The following CHSY3 variants were observed in gnomAD, a reference collection of about 807,000 sequenced individuals.
The protein encoded by CHSY3 is N-acetylgalactosaminyl-proteoglycan 3-beta-glucuronosyltransferase 3.
CHSY3 carries 35 observed loss-of-function variants against 67.2 expected under a neutral mutation model. That is an observed-to-expected ratio of 0.52 (90% CI 0.40 to 0.69). CHSY3 has a LOEUF of 0.69. CHSY3 is among the 30% of genes least tolerant of loss of function. The pLI, the probability that CHSY3 is intolerant of heterozygous loss-of-function variation, is 0.00. For missense variants in CHSY3, 1,069 were observed against 1,138.5 expected (o/e 0.94, Z 0.88); for synonymous variants, 474 against 434.7 (o/e 1.09, Z -1.12).
intron 2 of CHSY3, chr5:130,001,799 G>C (rs1454874325): frequency 2.5e-6 from 2 of 811,632 alleles, no homozygotes; most frequent in Admixed American, 6.2e-5. Flanking sequence ...TGTATATCTA[G>C]ATTATGGGAA....
intron 2 of CHSY3, among the ~76,000 whole-genome samples, chr5:130,119,666 C>A (rs1365713954): frequency 6.6e-6 from 1 of 152,022 alleles, no homozygotes; most frequent in African/African-American, 2.4e-5. Flanking sequence ...ATGTCATTTC[C>A]CAAATTCGAA....
chr5:130,146,777 G>GTT (rs145453278), intron 2 of CHSY3, among the ~76,000 whole-genome samples: 1 of 151,482 alleles, frequency 6.6e-6, no homozygotes, highest in African/African-American at 2.4e-5. Flanking sequence ...ATTTTCATTT[G>GTT]TTTTTTGTTT....
intron 2 of CHSY3, among the ~76,000 whole-genome samples, chr5:130,172,321 TTTTC>T (rs1445733433): frequency 0.089 from 346 of 3,880 alleles, no homozygotes; most frequent in African/African-American, 0.12. Context: ...TTTTCTTTTC[TTTTC>T]TTTTTTTTTT....
At chr5:130,019,616 G>C (rs1425947369) in intron 2 of CHSY3, among the ~76,000 whole-genome samples, 2 of 152,084 alleles carry the variant, frequency 1.3e-5, no homozygotes, top group African/African-American at 4.8e-5. Flanking sequence ...TTTTAAGCAG[G>C]CTTACCCCTC....
At chr5:129,949,918 C>T (rs1419792215) in intron 2 of CHSY3, among the ~76,000 whole-genome samples, 4 of 152,086 alleles carry the variant, frequency 2.6e-5, no homozygotes, top group Non-Finnish European at 5.9e-5. Context: ...AATCCCAGCA[C>T]TTTGGGAGGC....
intron 2 of CHSY3, among the ~76,000 whole-genome samples, chr5:129,994,709 A>G (rs1038976488): frequency 2.0e-5 from 3 of 152,152 alleles, no homozygotes; most frequent in Non-Finnish European, 4.4e-5. Flanking sequence ...ATGGAATACT[A>G]TGCAGCCATA....
intron 2 of CHSY3, among the ~76,000 whole-genome samples, chr5:129,967,704 G>A (rs868854501): frequency 6.6e-6 from 1 of 151,718 alleles, no homozygotes; most frequent in African/African-American, 2.4e-5. Context: ...TACAGAAGAC[G>A]GTGAGTGAAT....
chr5:130,075,796 G>A (rs1447161474), intron 2 of CHSY3, among the ~76,000 whole-genome samples: 5 of 152,080 alleles, frequency 3.3e-5, no homozygotes, highest in Non-Finnish European at 7.4e-5. Context: ...GTTTCATATA[G>A]GCCAATGTAA....
chr5:129,985,339 C>T lies in CHSY3; in HGVS notation c.1086+76979C>T, dbSNP rs1233498860. Among the ~76,000 whole-genome samples, 8 of 151,964 alleles carry T rather than the reference C, an allele frequency of 5.3e-5. 1 individual carries two copies. In the South Asian group the frequency reaches 8.3e-4, roughly 16 times the overall value. On this transcript the variant is annotated intron_variant, in intron 2 of 2. Transcript: ENST00000305031. The stretch of plus-strand genomic sequence containing the variant: ...GTTGAAGATCAGATGGTTATAGGTG[C>T]GTAGCTTTATTTCTGGGTTCTCTAA...
chr5:130,163,561 A>G (rs1210159829), intron 2 of CHSY3, among the ~76,000 whole-genome samples: 2 of 152,150 alleles, frequency 1.3e-5, no homozygotes, highest in African/African-American at 2.4e-5. Context: ...GGAAAAAAAA[A>G]TCTATTTTTC....
chr5:130,063,929 A>AT (rs1219927633), intron 2 of CHSY3, among the ~76,000 whole-genome samples: 1 of 152,110 alleles, frequency 6.6e-6, no homozygotes, highest in Non-Finnish European at 1.5e-5. Context: ...CAACATCTGG[A>AT]TTTTGGAAGG....
Position 130,185,379 on chromosome 5 carries a change from T to C in CHSY3, c.2237T>C (p.Ile746Thr), listed in dbSNP as rs1048396530. Residue 746 changes from isoleucine to threonine, a missense_variant, in exon 3 of 3, where the codon ATC becomes ACC. Coordinates refer to ENST00000305031, the MANE Select transcript of CHSY3 (RefSeq NM_175856.5). The stretch of plus-strand genomic sequence containing the variant: ...GGACAACAGGTGTACTATCCCATCA[T>C]CTTTAGCCAGTATGACCCAAAGGTA... ...IQGQQVYYPI[I>T]FSQYDPKVTN... The C allele has an allele frequency of 1.2e-6, 2 of 1,609,134 alleles. No individual in the cohort carries two copies. Among genetic ancestry groups the C allele is most frequent in the Admixed American group, 1.7e-5 (1 of 59,994 alleles).
chr5:130,164,954 A>G (rs1386532083), intron 2 of CHSY3, among the ~76,000 whole-genome samples: 2 of 152,162 alleles, frequency 1.3e-5, no homozygotes, highest in African/African-American at 4.8e-5. Context: ...CACCCTAAGT[A>G]GAAAAAAAAG....
At chr5:130,168,737 G>T (rs573141056) in intron 2 of CHSY3, among the ~76,000 whole-genome samples, 40 of 152,058 alleles carry the variant, frequency 2.6e-4, no homozygotes, top group South Asian at 6.2e-4. Context: ...TTAGGCCTAG[G>T]CTACACTCTA....
chr5:130,043,946 A>G (rs1220534737), intron 2 of CHSY3, among the ~76,000 whole-genome samples: 1 of 152,126 alleles, frequency 6.6e-6, no homozygotes, highest in Non-Finnish European at 1.5e-5. Flanking sequence ...TTGTACTTCC[A>G]TAGATTTGGC....
At position 130,143,834 on chromosome 5, in the gene CHSY3, A is replaced by ATATG. The variant is rs1561557421; in HGVS notation, c.1087-40392_1087-40391insGTAT. Among the ~76,000 whole-genome samples, 8 of 133,198 alleles carry ATATG rather than the reference A, an allele frequency of 6.0e-5. 1 individual carries two copies. Among genetic ancestry groups the ATATG allele is most frequent in the African/African-American group, 2.3e-4 (8 of 35,342 alleles). The allele number at this position is 133,198 out of a possible 152,430, so 87.4% of individuals were successfully genotyped here. ...TGTATATATATATATATATATATAT[A>ATATG]TATATATATATATGCCAATTCAGCT... On this transcript the variant is annotated intron_variant, in intron 2 of 2. Transcript: ENST00000305031.
chr5:130,005,260 C>T (rs960042499), intron 2 of CHSY3, among the ~76,000 whole-genome samples: 7 of 151,738 alleles, frequency 4.6e-5, no homozygotes, highest in Non-Finnish European at 1.0e-4. Flanking sequence ...AGTAAAAATA[C>T]AAAAATTAGC....
At chr5:130,113,059 G>A (rs1767637879) in intron 2 of CHSY3, among the ~76,000 whole-genome samples, 1 of 151,734 alleles carries the variant, frequency 6.6e-6, no homozygotes, top group African/African-American at 2.4e-5. Flanking sequence ...TGGAATGAGG[G>A]GTATATTTGG....
chr5:130,035,886 G>GTTTTTTTTTTT (rs1180462327), intron 2 of CHSY3, among the ~76,000 whole-genome samples: 15 of 65,552 alleles, frequency 2.3e-4, no homozygotes, highest in South Asian at 5.7e-4. Context: ...TCATTTGGTT[G>GTTTTTTTTTTT]TTTTTTTTTT....
Sources: allele counts gnomAD v4.1 joint callset (sites outside exome capture counted in the v4.1 genomes callset), GRCh38; gene constraint gnomAD v4.1.1; transcripts MANE v1.5; gene names NCBI Gene and HGNC (gene_info 2026-07-23, HGNC 2026-07-21).